AFG2A: variants seen among roughly 807,000 people sequenced by gnomAD.
AFG2A encodes the protein ATPase family gene 2 protein homolog A.
the AFG2A span, chr4:123,028,185 G>C: frequency 6.2e-7 from 1 of 1,608,408 alleles, no homozygotes; most frequent in African/African-American, 1.3e-5. Context: ...CTATTTTTCA[G>C]GTATCCTGGT....
At chr4:122,945,950 G>C in the AFG2A span, among the ~76,000 whole-genome samples, 17 of 152,188 alleles carry the variant, frequency 1.1e-4, no homozygotes, top group Non-Finnish European at 1.8e-4. Context: ...CTGACTAACT[G>C]GTTCTCAGTC....
the AFG2A span, among the ~76,000 whole-genome samples, chr4:123,125,454 A>G: frequency 1.3e-5 from 2 of 152,152 alleles, no homozygotes; most frequent in Admixed American, 6.5e-5. Context: ...CCTAAAGTTA[A>G]TTGTTCCATC....
the AFG2A span, among the ~76,000 whole-genome samples, chr4:123,119,896 T>C: frequency 1.3e-5 from 2 of 152,144 alleles, no homozygotes; most frequent in East Asian, 1.9e-4. Flanking sequence ...AAGGCACCTC[T>C]TCACAGGGCT....
chr4:123,294,252 C>A, the AFG2A span, among the ~76,000 whole-genome samples: 17 of 152,172 alleles, frequency 1.1e-4, no homozygotes, highest in Non-Finnish European at 2.4e-4. Flanking sequence ...TGTAAGATTT[C>A]TTTGGTTTTA....
chr4:122,955,912 T>C, the AFG2A span, among the ~76,000 whole-genome samples: 1 of 152,180 alleles, frequency 6.6e-6, no homozygotes, highest in Non-Finnish European at 1.5e-5. Flanking sequence ...TAGAAATGGA[T>C]TACCTAGGGA....
the AFG2A span, chr4:123,316,540 A>G: frequency 6.6e-6 from 1 of 152,214 alleles, no homozygotes; most frequent in African/African-American, 2.4e-5. Context: ...AGAGGAACTT[A>G]CCTTCTTCCC....
At chr4:123,302,951 CCA>C in the AFG2A span, among the ~76,000 whole-genome samples, 23 of 152,148 alleles carry the variant, frequency 1.5e-4, no homozygotes, top group South Asian at 2.9e-3. Context: ...GTTGTATTCC[CCA>C]GTGTCTGCTT....
the AFG2A span, among the ~76,000 whole-genome samples, chr4:122,958,515 T>G: frequency 1.3e-5 from 2 of 152,210 alleles, no homozygotes; most frequent in Non-Finnish European, 2.9e-5. Context: ...GGAATTCAGG[T>G]TTGTTTCACA....
the AFG2A span, among the ~76,000 whole-genome samples, chr4:123,207,547 A>G: frequency 6.6e-6 from 1 of 151,742 alleles, no homozygotes; most frequent in Non-Finnish European, 1.5e-5. Context: ...GTGGTCTCGA[A>G]CTCCTGGACT....
the AFG2A span, among the ~76,000 whole-genome samples, chr4:123,186,884 C>T: frequency 1.3e-5 from 2 of 152,068 alleles, no homozygotes; most frequent in Non-Finnish European, 2.9e-5. Flanking sequence ...GAGAGGGGGA[C>T]AGCTTTGTAC....
the AFG2A span, among the ~76,000 whole-genome samples, chr4:123,049,376 T>C: frequency 3.9e-5 from 6 of 152,206 alleles, no homozygotes; most frequent in African/African-American, 1.2e-4. Flanking sequence ...TTGAATAAAT[T>C]TGAATGTATT....
At chr4:123,023,662 A>C in the AFG2A span, among the ~76,000 whole-genome samples, 1 of 152,126 alleles carries the variant, frequency 6.6e-6, no homozygotes, top group East Asian at 1.9e-4. Context: ...AGAGTTGTCC[A>C]ATCTTCTGGC....
chr4:123,132,127 C>T, the AFG2A span, among the ~76,000 whole-genome samples: 2 of 152,010 alleles, frequency 1.3e-5, no homozygotes, highest in Non-Finnish European at 2.9e-5. Flanking sequence ...GTATGATTGA[C>T]AAACAAAAAT....
At chr4:122,976,466 A>G in the AFG2A span, among the ~76,000 whole-genome samples, 3 of 152,300 alleles carry the variant, frequency 2.0e-5, no homozygotes, top group East Asian at 3.9e-4. Flanking sequence ...TTTGTTGACT[A>G]TCTTCCTGGC....
the AFG2A span, among the ~76,000 whole-genome samples, chr4:123,232,923 C>T: frequency 1.3e-5 from 2 of 152,098 alleles, no homozygotes; most frequent in African/African-American, 4.8e-5. Context: ...CCCGCAGGTG[C>T]TTCGCAGTTC....
the AFG2A span, among the ~76,000 whole-genome samples, chr4:123,149,995 A>G: frequency 0.15 from 22,879 of 151,924 alleles, 2,158 homozygotes; most frequent in East Asian, 0.45. Context: ...AACATAATAC[A>G]TCACATAAAC....
the AFG2A span, among the ~76,000 whole-genome samples, chr4:123,281,230 GGAGTAATTACAAAGCTAACAGGAAAA>G: frequency 6.6e-6 from 1 of 152,082 alleles, no homozygotes; most frequent in Non-Finnish European, 1.5e-5. Context: ...TCAGTTTTTA[GGAGTAATTACAAAGCTAACAGGAAAA>G]TATGTCTCCC....
At chr4:123,033,203 G>A in the AFG2A span, among the ~76,000 whole-genome samples, 1 of 152,124 alleles carries the variant, frequency 6.6e-6, no homozygotes, top group Non-Finnish European at 1.5e-5. Context: ...TTACAAATAA[G>A]GATAATGATT....
the AFG2A span, among the ~76,000 whole-genome samples, chr4:123,266,442 A>G: frequency 1.1e-4 from 16 of 152,082 alleles, no homozygotes; most frequent in East Asian, 2.5e-3. Context: ...TTAATTTGAT[A>G]TCTAGTTTAA....
Sources: allele counts gnomAD v4.1 joint callset (sites outside exome capture counted in the v4.1 genomes callset), GRCh38; gene constraint gnomAD v4.1.1; transcripts MANE v1.5; gene names NCBI Gene and HGNC (gene_info 2026-07-23, HGNC 2026-07-21).